The following DNAH17 variants were observed in gnomAD, a reference collection of about 807,000 sequenced individuals.
The protein encoded by DNAH17 is axonemal beta dynein heavy chain 17.
Under a neutral mutation model 485.6 loss-of-function variants are expected in DNAH17, and 376 were observed. The ratio of observed to expected loss-of-function variants is 0.77; its 90% CI spans 0.71 to 0.84. DNAH17 has a LOEUF of 0.84. Among genes scored for constraint, DNAH17 ranks in the 40% least tolerant of loss-of-function variants. The pLI is 0.00. For synonymous variants in DNAH17, 3,031 were observed against 2,405.9 expected (o/e 1.26, Z -7.60); for missense variants, 6,370 against 5,839.3 (o/e 1.09, Z -2.96).
intron 16 of DNAH17, among the ~76,000 whole-genome samples, chr17:78,544,227 G>A (rs1204214306): frequency 1.3e-5 from 2 of 152,308 alleles, no homozygotes; most frequent in South Asian, 2.1e-4. Flanking sequence ...CAGGGCCTAG[G>A]GGAACCACAG....
rs568961752 is a variant in DNAH17, at chr17:78,566,601, A to G, written c.1569+13T>C. ...AGGCTCCAGATCTGCCTGCGTCTCC[A>G]CTGCATGCTTACCTTTGCGGAGGAC... On this transcript the variant is annotated intron_variant, in intron 11 of 80. Transcript: ENST00000389840. 1.3e-6 allele frequency: 2 copies of G among 1,577,960 alleles called. No individual in the cohort carries two copies. The highest frequency in any genetic ancestry group is 1.8e-5 in the Admixed American group (1 of 56,794).
intron 80 of DNAH17, among the ~76,000 whole-genome samples, chr17:78,424,741 C>CTGTT (rs1222002594): frequency 4.6e-5 from 7 of 152,224 alleles, no homozygotes; most frequent in Non-Finnish European, 1.5e-5. Flanking sequence ...GTGACGTCAG[C>CTGTT]TGTTGAAGGG....
intron 73 of DNAH17, among the ~76,000 whole-genome samples, chr17:78,438,425 AAGGAGGAGGAGG>A (rs142149972): frequency 1.9e-4 from 1 of 5,138 alleles, no homozygotes; most frequent in Non-Finnish European, 3.6e-4. Context: ...AAGTGAGGAG[AAGGAGGAGGAGG>A]AGGAGGAGGG....
Position 78,544,726 on chromosome 17 carries a change from G to A in DNAH17, c.2392-729C>T, listed in dbSNP as rs181070531. 1.4e-3 allele frequency among the ~76,000 whole-genome samples: 202 copies of A among 149,274 alleles called. 2 individuals carry two copies. Among genetic ancestry groups the A allele is most frequent in the African/African-American group, 4.4e-3 (179 of 40,314 alleles). On this transcript the variant is annotated intron_variant, in intron 16 of 80. Coordinates refer to ENST00000389840, the MANE Select transcript of DNAH17 (RefSeq NM_173628.4). ...TGAGGCAGGAGAATGGCGTGAACCC[G>A]GGAGGCAGAGCTTGCAGTGAGCCGA...
intron 2 of DNAH17, among the ~76,000 whole-genome samples, chr17:78,573,839 C>T (rs1205876700): frequency 2.0e-5 from 3 of 152,014 alleles, no homozygotes; most frequent in Non-Finnish European, 4.4e-5. Context: ...GGTGTACAAG[C>T]GAAGCACACA....
chr17:78,556,009 G>A (rs143161039), intron 14 of DNAH17, among the ~76,000 whole-genome samples: 170 of 152,276 alleles, frequency 1.1e-3, no homozygotes, highest in Non-Finnish European at 1.1e-3. Flanking sequence ...CAGACAGCAG[G>A]CTGTAAGACT....
rs140856549 is a variant in DNAH17 at position 78,459,001 on chromosome 17, G to C, written c.9861C>G (p.Ala3287=). The C allele has an allele frequency of 6.2e-7, 1 of 1,613,838 alleles. No homozygotes were observed. The highest frequency in any genetic ancestry group is 1.3e-5 in the African/African-American group (1 of 74,954). Residue 3287 remains alanine (A), a splice_region_variant and synonymous_variant, in exon 61 of 81, where the codon GCC becomes GCG. Coordinates refer to ENST00000389840, the MANE Select transcript of DNAH17 (RefSeq NM_173628.4). ...GGGACGGGAGCGAGCCGGCACTTAC[G>C]GCAATCTTGTTTTTGATCCGGGACA... ...EKLSRIKNKI[A]ELNANLSNLT... is the part of the protein sequence containing the mutation.
At chr17:78,502,722 C>G in intron 32 of DNAH17, 24 bp from the exon 33 acceptor site, 1 of 1,605,468 alleles carries the variant, frequency 6.2e-7, no homozygotes, top group Non-Finnish European at 8.5e-7. Context: ...CCCCCCATTG[C>G]CCACGCAGTG....
intron 7 of DNAH17, among the ~76,000 whole-genome samples, chr17:78,569,819 A>T (rs1478721606): frequency 1.3e-5 from 2 of 152,186 alleles, no homozygotes; most frequent in African/African-American, 4.8e-5. Flanking sequence ...GGGCCACAGC[A>T]TGGTTTTATT....
intron 55 of DNAH17, among the ~76,000 whole-genome samples, chr17:78,467,454 T>C (rs1313945844): frequency 6.6e-6 from 1 of 152,226 alleles, no homozygotes; most frequent in Non-Finnish European, 1.5e-5. Context: ...GAGCCGGCAC[T>C]GGCAGGGCAC....
intron 37 of DNAH17, among the ~76,000 whole-genome samples, chr17:78,497,438 A>G (rs956563420): frequency 4.6e-5 from 7 of 152,188 alleles, no homozygotes; most frequent in Non-Finnish European, 8.8e-5. Flanking sequence ...CTTTCGGAAC[A>G]GCACCGCTTC....
chr17:78,435,538 C>T (rs2086827046), intron 74 of DNAH17, among the ~76,000 whole-genome samples: 1 of 152,192 alleles, frequency 6.6e-6, no homozygotes, highest in African/African-American at 2.4e-5. Flanking sequence ...GGCAGGGCTC[C>T]ACGCTGGCTG....
At chr17:78,575,671 AT>A (rs1241796230) in intron 1 of DNAH17, among the ~76,000 whole-genome samples, 1 of 152,080 alleles carries the variant, frequency 6.6e-6, no homozygotes, top group African/African-American at 2.4e-5. Context: ...CGAGCTGCAA[AT>A]TCCTGACAGA....
At chr17:78,491,301 A>T in intron 43 of DNAH17, 142 bp downstream of exon 43, 1 of 1,259,938 alleles carries the variant, frequency 7.9e-7, no homozygotes, top group Non-Finnish European at 1.1e-6. Context: ...CCCCTCACTC[A>T]TAGCTTCCTG....
intron 71 of DNAH17, among the ~76,000 whole-genome samples, chr17:78,441,914 C>G (rs994777992): frequency 6.6e-6 from 1 of 152,118 alleles, no homozygotes; most frequent in Non-Finnish European, 1.5e-5. Flanking sequence ...ACAAAACCCT[C>G]TCTACTAAAA....
intron 9 of DNAH17, among the ~76,000 whole-genome samples, chr17:78,568,124 G>C (rs1431070937): frequency 2.0e-5 from 3 of 152,158 alleles, no homozygotes; most frequent in Non-Finnish European, 4.4e-5. Flanking sequence ...CTGTTGTCAG[G>C]GGGTGGACAG....
At chr17:78,479,714 G>C in intron 49 of DNAH17, 82 bp from the exon 50 acceptor site, 1 of 1,574,942 alleles carries the variant, frequency 6.3e-7, no homozygotes, top group South Asian at 1.1e-5. Flanking sequence ...CGGGAGAGTG[G>C]CCCCTGTCCT....
rs765954549 is a variant in DNAH17, at chr17:78,555,543, C to CAAAAAAAAAAAA, written c.2178+2553_2178+2564dup. 6.7e-4 allele frequency among the ~76,000 whole-genome samples: 52 copies of CAAAAAAAAAAAA among 77,678 alleles called. 3 individuals are homozygous for CAAAAAAAAAAAA. Among genetic ancestry groups the CAAAAAAAAAAAA allele is most frequent in the African/African-American group, 1.9e-3 (34 of 17,798 alleles). 51.0% of individuals were successfully genotyped at this position (77,678 alleles called of 152,430 possible). The stretch of plus-strand genomic sequence containing the variant: ...CGGGGAGAGGAGCAAGATTCCGTCA[C>CAAAAAAAAAAAA]AAAAAAAAAAAAAAAAAAAAAAAGA... On this transcript the variant is annotated intron_variant, in intron 14 of 80. Transcript: ENST00000389840.
Position 78,449,481 on chromosome 17 carries a change from T to TA in DNAH17, c.11143dup (p.Tyr3715LeufsTer45). 1 of 1,569,226 alleles carries TA rather than the reference T, an allele frequency of 6.4e-7. No individual in the cohort carries two copies. The highest frequency in any genetic ancestry group is 8.6e-7 in the Non-Finnish European group (1 of 1,156,868). ...GAAGAGTCCCCGGGCCGTGTACATG[T>TA]AGACGGAGTAGGTGATCTCGTCCGT... On this transcript the variant is annotated frameshift_variant, in exon 69 of 81. Coordinates refer to ENST00000389840, the MANE Select transcript of DNAH17 (RefSeq NM_173628.4). LOFTEE classifies it high-confidence loss of function.
Sources: allele counts gnomAD v4.1 joint callset (sites outside exome capture counted in the v4.1 genomes callset), GRCh38; gene constraint gnomAD v4.1.1; transcripts MANE v1.5; gene names NCBI Gene and HGNC (gene_info 2026-07-23, HGNC 2026-07-21).